The following TNRC6C variants were observed in gnomAD, a reference collection of about 807,000 sequenced individuals.
TNRC6C encodes trinucleotide repeat containing adaptor 6C.
A neutral mutation model predicts 153.7 loss-of-function variants in TNRC6C; 20 were observed. The ratio of observed to expected loss-of-function variants is 0.13; its 90% confidence interval spans 0.09 to 0.19. The LOEUF is 0.19. Ranked by LOEUF, TNRC6C falls within the 10% of genes least tolerant of loss-of-function variation. The pLI is 1.00. For missense variants in TNRC6C, 1,987 were observed against 2,172.0 expected (o/e 0.91, Z 1.69); for synonymous variants, 811 against 841.4 (o/e 0.96, Z 0.63).
chr17:77,965,707 A>G (rs1470463729), intron 1 of TNRC6C, among the ~76,000 whole-genome samples: 1 of 152,250 alleles, frequency 6.6e-6, no homozygotes, highest in Non-Finnish European at 1.5e-5. Context: ...AGAAAGCAAT[A>G]CATGTGAAGA....
intron 18 of TNRC6C, 111 bp from the exon 22 acceptor site, chr17:78,103,303 A>G: frequency 1.5e-6 from 2 of 1,323,366 alleles, no homozygotes; most frequent in Non-Finnish European, 2.1e-6. Flanking sequence ...CTTTTAAAGA[A>G]AAACATTCCT....
At chr17:78,102,617 G>A (rs2073617911) in intron 18 of TNRC6C, 73 bp downstream of exon 21, 16 of 1,466,716 alleles carry the variant, frequency 1.1e-5, no homozygotes, top group South Asian at 8.6e-5. Flanking sequence ...ATGCAGATGA[G>A]GCTGTCTGGT....
Position 78,038,514 on chromosome 17 carries a change from AAAAAAAT to A in TNRC6C, c.-219+6674_-219+6680del, listed in dbSNP as rs2072225920. 3.3e-5 allele frequency among the ~76,000 whole-genome samples: 5 copies of A among 151,848 alleles called. No individual in the cohort carries two copies. The South Asian group carries it at 1.0e-3, about 32-fold the overall frequency. ...CGGTGAAACCCCATCTCTACTAAAAAAAAAAATACAAAAAATTAGCCGGGCGTGGTGG... is the reference window on the plus strand; with the variant it reads ...CGGTGAAACCCCATCTCTACTAAAAAACAAAAAATTAGCCGGGCGTGGTGG... On this transcript the variant is annotated intron_variant, in intron 2 of 19. Coordinates refer to ENST00000301624, the Ensembl canonical transcript of TNRC6C.
intron 7 of TNRC6C, among the ~76,000 whole-genome samples, chr17:78,074,168 AT>A (rs2144327675): frequency 6.6e-6 from 1 of 152,222 alleles, no homozygotes; most frequent in African/African-American, 2.4e-5. Flanking sequence ...CAGGGGGACC[AT>A]TTTAAACACC....
At chr17:78,064,963 G>C in intron 4 of TNRC6C, 26 bp downstream of exon 6, 1 of 1,581,300 alleles carries the variant, frequency 6.3e-7, no homozygotes, top group Non-Finnish European at 8.6e-7. Context: ...TGCTTGCCCT[G>C]ATCTGGCAAT....
intron 3 of TNRC6C, among the ~76,000 whole-genome samples, chr17:78,052,891 A>G (rs1167172099): frequency 6.6e-6 from 1 of 152,154 alleles, no homozygotes; most frequent in East Asian, 1.9e-4. Flanking sequence ...GGCTGCACCT[A>G]GTCCCACAAA....
intron 3 of TNRC6C, among the ~76,000 whole-genome samples, chr17:78,056,039 A>G (rs1218619725): frequency 6.6e-6 from 1 of 152,196 alleles, no homozygotes; most frequent in Non-Finnish European, 1.5e-5. Context: ...TTTTAGAGAC[A>G]GAGTCTTGCT....
intron 1 of TNRC6C, among the ~76,000 whole-genome samples, chr17:77,965,590 T>C (rs1410065373): frequency 6.6e-6 from 1 of 152,236 alleles, no homozygotes; most frequent in African/African-American, 2.4e-5. Context: ...ATGTCTTCCC[T>C]GTGCAGCGGC....
At chr17:78,000,218 T>G (rs2143143201), upstream of TNRC6C, among the ~76,000 whole-genome samples, 1 of 152,346 alleles carries the variant, frequency 6.6e-6, no homozygotes, top group Middle Eastern at 3.4e-3. Context: ...ACCCAGTCCT[T>G]GTGACTCTAA....
chr17:77,961,113 T>A (rs2070858297), intron 1 of TNRC6C, among the ~76,000 whole-genome samples: 1 of 152,096 alleles, frequency 6.6e-6, no homozygotes, highest in South Asian at 2.1e-4. Flanking sequence ...TCTTCTGTGC[T>A]TCTTGTCCAA....
intron 3 of TNRC6C, among the ~76,000 whole-genome samples, chr17:78,053,241 T>A: frequency 6.6e-6 from 1 of 152,218 alleles, no homozygotes; most frequent in East Asian, 1.9e-4. Context: ...TCCAATTGTT[T>A]ACTAATATAT....
Position 78,075,623 on chromosome 17 carries a change from C to T in TNRC6C, c.3060+345C>T, listed in dbSNP as rs781365953. On this transcript the variant is annotated intron_variant, in intron 8 of 19. Coordinates refer to ENST00000301624, the Ensembl canonical transcript of TNRC6C. This position sits in a 1 kb window ranked among gnomAD's most constrained non-coding sequence, Gnocchi z 4.2. Reference sequence around the variant, plus strand: ...ACACAGATCTTCCCTTTGGAAATTACGTGTTAGATGTTTATCCTCAGGAAA... The same window carrying T: ...ACACAGATCTTCCCTTTGGAAATTATGTGTTAGATGTTTATCCTCAGGAAA... Among the ~76,000 whole-genome samples, 5 of 152,122 alleles carry T rather than the reference C, an allele frequency of 3.3e-5. No homozygotes were observed. Among genetic ancestry groups the T allele is most frequent in the African/African-American group, 7.2e-5 (3 of 41,418 alleles).
chr17:78,084,055 G>A (rs946452581), intron 11 of TNRC6C, among the ~76,000 whole-genome samples: 1 of 152,048 alleles, frequency 6.6e-6, no homozygotes, highest in East Asian at 1.9e-4. Flanking sequence ...AGGCCCAGGC[G>A]GGTGGATCAC....
chr17:78,036,498 A>G (rs547127709), intron 2 of TNRC6C, among the ~76,000 whole-genome samples: 2 of 152,326 alleles, frequency 1.3e-5, no homozygotes, highest in African/African-American at 2.4e-5. Flanking sequence ...AAATTAAACA[A>G]TAGAGGAGCA....
upstream of TNRC6C, chr17:78,004,947 T>A (rs2071470820): frequency 1.1e-6 from 1 of 870,420 alleles, no homozygotes; most frequent in Non-Finnish European, 1.5e-6. Flanking sequence ...AACTCATTTT[T>A]AAAATTTTCA....
intron 6 of TNRC6C, among the ~76,000 whole-genome samples, chr17:78,072,329 T>A (rs1295878892): frequency 6.6e-6 from 1 of 152,226 alleles, no homozygotes; most frequent in Non-Finnish European, 1.5e-5. Flanking sequence ...TGAATCTACT[T>A]GTTTTGTTTT....
upstream of TNRC6C, among the ~76,000 whole-genome samples, chr17:78,000,363 C>T (rs149857877): frequency 6.6e-6 from 1 of 152,216 alleles, no homozygotes; most frequent in Admixed American, 6.5e-5. Context: ...CCTTCTCATA[C>T]TGCCCACAAA....
intron 7 of TNRC6C, among the ~76,000 whole-genome samples, chr17:78,074,301 A>G (rs1452252319): frequency 1.3e-5 from 2 of 152,130 alleles, no homozygotes; most frequent in Non-Finnish European, 2.9e-5. Context: ...GGCAACTCAC[A>G]TTTTTTTGCC....
Position 77,975,273 on chromosome 17 carries a change from T to C in TNRC6C, c.-38+16005T>C, listed in dbSNP as rs545011086. 7.2e-5 allele frequency among the ~76,000 whole-genome samples: 11 copies of C among 152,354 alleles called. No homozygotes were observed. The East Asian group carries it at 9.6e-4, about 13-fold the overall frequency. ...TCTGTATTAAGGTTTTTTTCTGATA[T>C]ACATTAAACTGCACATATTTAAAGT... On this transcript the variant is annotated intron_variant, in intron 1 of 22. Transcript: ENST00000636222.
Sources: gnomAD v4.1 joint callset for allele counts (sites outside exome capture counted in the v4.1 genomes callset) on GRCh38, gnomAD v4.1.1 for gene constraint, Gnocchi (gnomAD v3.1) non-coding constraint, MANE v1.5 for transcripts, NCBI Gene and HGNC (gene_info 2026-07-23, HGNC 2026-07-21) for gene names.